The following MGAT4C variants were observed in gnomAD, a reference collection of about 807,000 sequenced individuals.
The protein encoded by MGAT4C is MGAT4 family member C, also known as alpha-1,3-mannosyl-glycoprotein 4-beta-N-acetylglucosaminyltransferase C.
Under a neutral mutation model 40.1 loss-of-function variants are expected in MGAT4C, and 19 were observed. The observed-to-expected ratio is 0.47, with a 90% CI of 0.33 to 0.70. The LOEUF is 0.70. Among genes scored for constraint, MGAT4C ranks in the 30% least tolerant of loss-of-function variants. MGAT4C has a pLI of 0.02. For missense variants in MGAT4C, 491 were observed against 563.2 expected (o/e 0.87, Z 1.30); for synonymous variants, 181 against 187.1 (o/e 0.97, Z 0.27).
At chr12:86,154,626 A>G (rs1344350950) in intron 1 of MGAT4C, among the ~76,000 whole-genome samples, 2 of 152,332 alleles carry the variant, frequency 1.3e-5, no homozygotes, top group African/African-American at 4.8e-5. Flanking sequence ...CCCAACGGAA[A>G]TGGACCTATT....
Position 86,384,069 on chromosome 12 carries a change from G to T in MGAT4C, c.-119-49942C>A, listed in dbSNP as rs569021567. Among the ~76,000 whole-genome samples, 338 of 152,226 alleles carry T rather than the reference G, an allele frequency of 2.2e-3. 1 individual carries two copies. Among genetic ancestry groups the T allele is most frequent in the South Asian group, 5.4e-3 (26 of 4,818 alleles). On this transcript the variant is annotated intron_variant, in intron 3 of 7. Transcript: ENST00000548651. Reference sequence around the variant, plus strand: ...TTAAAAACAGAAGTCTCCCTCACAAGCTCTCTTCTCTTATCTGCTGCCATG... The same window carrying T: ...TTAAAAACAGAAGTCTCCCTCACAATCTCTCTTCTCTTATCTGCTGCCATG...
intron 3 of MGAT4C, among the ~76,000 whole-genome samples, chr12:86,425,925 T>G (rs974474764): frequency 6.6e-5 from 10 of 152,200 alleles, no homozygotes; most frequent in Admixed American, 3.3e-4. Context: ...TTAATAAAAT[T>G]AATATGCCAA....
chr12:86,048,053 C>T (rs1450536336), intron 2 of MGAT4C, among the ~76,000 whole-genome samples: 3 of 150,724 alleles, frequency 2.0e-5, no homozygotes, highest in South Asian at 2.1e-4. Flanking sequence ...AACATAAGAA[C>T]AAGAAAAAAA....
Position 85,980,260 on chromosome 12 carries a change from T to G in MGAT4C, c.466A>C (p.Ile156Leu). 1.2e-6 allele frequency: 2 copies of G among 1,613,982 alleles called. No individual in the cohort carries two copies. Among genetic ancestry groups the G allele is most frequent in the Non-Finnish European group, 1.7e-6 (2 of 1,179,916 alleles). ...ATATGGTGCGCAAATTTCTGTGTAA[T>G]ATCCTGGACCATGGCATCACGCCAG... Reference protein sequence around the residue: ...SSWRDAMVQDITQKFAHHIIA... With the variant: ...SSWRDAMVQDLTQKFAHHIIA... The change falls in exon 5 of 5, where the codon ATT becomes CTT. Residue 156 changes from isoleucine to leucine, a missense_variant. Transcript: ENST00000611864.
At chr12:86,823,571 G>A (rs1952744177) in intron 1 of MGAT4C, among the ~76,000 whole-genome samples, 1 of 151,138 alleles carries the variant, frequency 6.6e-6, no homozygotes, top group Non-Finnish European at 1.5e-5. Context: ...GTCTGGCAAA[G>A]CTCAGGGAAA....
intron 4 of MGAT4C, among the ~76,000 whole-genome samples, chr12:86,333,748 TG>T (rs1358871751): frequency 6.6e-6 from 1 of 152,220 alleles, no homozygotes; most frequent in Non-Finnish European, 1.5e-5. Context: ...TGTTTATTTG[TG>T]AGGGATCTTA....
At chr12:86,819,299 T>C (rs1952664474) in intron 1 of MGAT4C, among the ~76,000 whole-genome samples, 1 of 150,928 alleles carries the variant, frequency 6.6e-6, no homozygotes. Flanking sequence ...TCATATATGA[T>C]ATGAATCTTC....
chr12:86,835,414 T>G (rs1226248855), intron 1 of MGAT4C, among the ~76,000 whole-genome samples: 2 of 152,006 alleles, frequency 1.3e-5, no homozygotes, highest in African/African-American at 2.4e-5. Flanking sequence ...GGTCTTCATA[T>G]ATTTGCTTTG....
intron 4 of MGAT4C, among the ~76,000 whole-genome samples, chr12:86,283,244 C>A (rs1172361253): frequency 6.6e-6 from 1 of 151,926 alleles, no homozygotes; most frequent in Non-Finnish European, 1.5e-5. Flanking sequence ...GTGAGGTTCA[C>A]CTCTTGTACT....
At chr12:86,373,252 A>G (rs2136213130) in intron 3 of MGAT4C, among the ~76,000 whole-genome samples, 1 of 152,024 alleles carries the variant, frequency 6.6e-6, no homozygotes, top group East Asian at 1.9e-4. Context: ...ATGCTATTTT[A>G]TTTTTACTGT....
chr12:86,565,072 C>T (rs4343091), intron 2 of MGAT4C, among the ~76,000 whole-genome samples: 8,967 of 152,156 alleles, frequency 0.059, 404 homozygotes, highest in East Asian at 0.19. Flanking sequence ...CCTGTTACTG[C>T]GCTTTGGTAG....
chr12:86,162,707 G>C (rs1403960781), intron 1 of MGAT4C, among the ~76,000 whole-genome samples: 1 of 152,214 alleles, frequency 6.6e-6, no homozygotes, highest in Non-Finnish European at 1.5e-5. Context: ...TCAACAAACA[G>C]CTATTGACAG....
intron 1 of MGAT4C, among the ~76,000 whole-genome samples, chr12:86,149,815 C>A (rs1884045461): frequency 6.6e-6 from 1 of 152,032 alleles, no homozygotes; most frequent in African/African-American, 2.4e-5. Context: ...GAAGAACTAC[C>A]ATGGTTCTCA....
chr12:86,501,270 A>C (rs993304322), intron 2 of MGAT4C, among the ~76,000 whole-genome samples: 1 of 152,152 alleles, frequency 6.6e-6, no homozygotes, highest in Non-Finnish European at 1.5e-5. Context: ...AATTATCTTC[A>C]TTACATTGGA....
intron 2 of MGAT4C, among the ~76,000 whole-genome samples, chr12:86,007,038 T>A (rs912216822): frequency 2.0e-5 from 3 of 152,136 alleles, no homozygotes; most frequent in Non-Finnish European, 4.4e-5. Context: ...TAATTGTGAA[T>A]CATATAATTC....
intron 2 of MGAT4C, among the ~76,000 whole-genome samples, chr12:86,545,934 T>G (rs1246330764): frequency 6.6e-6 from 1 of 152,006 alleles, no homozygotes; most frequent in Non-Finnish European, 1.5e-5. Context: ...AAACTGCTAT[T>G]ATAAAACATT....
intron 2 of MGAT4C, among the ~76,000 whole-genome samples, chr12:86,725,233 C>T (rs1950801519): frequency 6.6e-6 from 1 of 152,104 alleles, no homozygotes; most frequent in Non-Finnish European, 1.5e-5. Context: ...CCTCCTTTTC[C>T]CTATTTTTTA....
chr12:86,125,506 C>T (rs1880084018), intron 1 of MGAT4C, among the ~76,000 whole-genome samples: 2 of 152,146 alleles, frequency 1.3e-5, no homozygotes, highest in South Asian at 4.2e-4. Context: ...TACAGATCAT[C>T]TCAAGACATC....
chr12:86,543,492 G>GT (rs1156663157), intron 2 of MGAT4C, among the ~76,000 whole-genome samples: 4 of 151,634 alleles, frequency 2.6e-5, no homozygotes, highest in South Asian at 4.2e-4. Flanking sequence ...ATCTTTGAGG[G>GT]TTTTTTTAAA....
Sources: gnomAD v4.1 joint callset for allele counts (sites outside exome capture counted in the v4.1 genomes callset) on GRCh38, gnomAD v4.1.1 for gene constraint, MANE v1.5 for transcripts, NCBI Gene and HGNC (gene_info 2026-07-23, HGNC 2026-07-21) for gene names.